The following FHAD1 variants were observed in gnomAD, a reference collection of about 807,000 sequenced individuals.
The protein encoded by FHAD1 is forkhead associated phosphopeptide binding domain 1.
Under a neutral mutation model 191.3 loss-of-function variants are expected in FHAD1, and 146 were observed. The observed-to-expected ratio is 0.76, with a 90% CI of 0.67 to 0.88. The LOEUF (loss-of-function observed/expected upper bound fraction) is 0.88, where lower values mean the gene tolerates loss of function less well. Ranked by LOEUF, FHAD1 falls within the 40% of genes least tolerant of loss-of-function variation. FHAD1 has a pLI of 0.00. For synonymous variants in FHAD1, 616 were observed against 672.3 expected, an observed-to-expected ratio of 0.92 and a Z score of 1.29; for missense variants, 1,635 against 1,785.8, an observed-to-expected ratio of 0.92 and a Z score of 1.52.
intron 33 of FHAD1, chr1:15,393,304 A>C (rs1221827796): frequency 6.6e-6 from 1 of 151,892 alleles, no homozygotes; most frequent in African/African-American, 2.4e-5. Context: ...GGAACTCCTG[A>C]CCTCAGGTCC....
chr1:15,333,029 C>G (rs1296124689), intron 14 of FHAD1, among the ~76,000 whole-genome samples: 1 of 152,062 alleles, frequency 6.6e-6, no homozygotes, highest in African/African-American at 2.4e-5. Context: ...ATTGGGGAAA[C>G]GGTGGTCTGC....
In FHAD1 at chr1:15,276,792, A is replaced by C. The variant is rs1218019627; in HGVS notation, c.300+4263A>C. 1.4e-5 allele frequency among the ~76,000 whole-genome samples: 2 copies of C among 144,954 alleles called. No homozygotes were observed. Among genetic ancestry groups the C allele is most frequent in the Non-Finnish European group, 3.0e-5 (2 of 65,708 alleles). ...CTGGGCAACAGAGTGAGACTCTCTCAAAAAAAAAAAAAGTATAGCCTAGGG... is the reference window on the plus strand; with the variant it reads ...CTGGGCAACAGAGTGAGACTCTCTCCAAAAAAAAAAAAGTATAGCCTAGGG... On this transcript the variant is annotated intron_variant, in intron 3 of 33. Coordinates refer to ENST00000688493, the MANE Select transcript of FHAD1 (RefSeq NM_001391957.1). This position sits in a 1 kb window ranked among gnomAD's most constrained non-coding sequence, Gnocchi z 4.7.
chr1:15,347,058 G>T lies in FHAD1; in HGVS notation c.2346+1535G>T, dbSNP rs148537275. ...ACAAAAAGACCTCTGGGCAAAGCCT[G>T]TGCCATTTGATCTGACCCAGGACAG... is the stretch of plus-strand genomic sequence containing the variant. On this transcript the variant is annotated intron_variant, in intron 18 of 33. Coordinates refer to ENST00000688493, the MANE Select transcript of FHAD1 (RefSeq NM_001391957.1). 1.8e-3 allele frequency among the ~76,000 whole-genome samples: 279 copies of T among 152,328 alleles called. 1 individual carries two copies. Among genetic ancestry groups the T allele is most frequent in the Non-Finnish European group, 3.1e-3 (210 of 68,034 alleles).
rs1660933343 is a variant in FHAD1 at position 15,282,403 on chromosome 1, TA to T, written c.301-6995del. On this transcript the variant is annotated intron_variant, in intron 3 of 33. Coordinates refer to ENST00000688493, the MANE Select transcript of FHAD1 (RefSeq NM_001391957.1). ...TATGGCAAATTTATCATAAATTCCA[TA>T]GAGCCATTGATTCTCACAGAGGGTT... 2.0e-5 allele frequency among the ~76,000 whole-genome samples: 3 copies of T among 152,242 alleles called. No individual in the cohort carries two copies. In the South Asian group the frequency reaches 6.2e-4, roughly 31 times the overall value.
intron 2 of FHAD1, among the ~76,000 whole-genome samples, chr1:15,266,700 A>G (rs748297348): frequency 3.3e-5 from 5 of 152,180 alleles, no homozygotes; most frequent in Non-Finnish European, 7.3e-5. Context: ...AGAATCATAC[A>G]GAATAGTTTC....
At chr1:15,360,208 G>A (rs977894746) in intron 21 of FHAD1, among the ~76,000 whole-genome samples, 5 of 152,206 alleles carry the variant, frequency 3.3e-5, no homozygotes, top group East Asian at 3.9e-4. Flanking sequence ...TGAAACAGAC[G>A]CTGGAACAGA....
rs894088523 is a variant in FHAD1, at chr1:15,272,315, C to T, written c.94-8C>T. The T allele has an allele frequency of 1.4e-5, 22 of 1,546,276 alleles. No homozygotes were observed. Among genetic ancestry groups the T allele is most frequent in the African/African-American group, 1.1e-4 (8 of 72,976 alleles). ...CATGGCTACGACTGTCCTCCTTCTC[C>T]GTTGCAGTCTCCTGACATCGACAAC... On this transcript the variant is annotated splice_region_variant and splice_polypyrimidine_tract_variant and intron_variant, in intron 2 of 33. Coordinates refer to ENST00000688493, the MANE Select transcript of FHAD1 (RefSeq NM_001391957.1).
intron 9 of FHAD1, 100 bp from the exon 10 acceptor site, chr1:15,317,724 T>G: frequency 4.2e-6 from 3 of 722,210 alleles, no homozygotes; most frequent in Non-Finnish European, 7.0e-6. Context: ...TCCACCTTAA[T>G]GGATGGGATG....
intron 16 of FHAD1, 117 bp downstream of exon 16, chr1:15,342,005 T>C (rs1686904536): frequency 2.5e-6 from 2 of 811,156 alleles, no homozygotes; most frequent in Non-Finnish European, 3.6e-6. Context: ...TTTGGTGCCA[T>C]GAAACTAAAT....
In FHAD1 at chr1:15,359,951, AG is replaced by A. The variant is rs766938803; in HGVS notation, c.2737-526del. 2.0e-5 allele frequency among the ~76,000 whole-genome samples: 3 copies of A among 152,042 alleles called. No individual in the cohort carries two copies. The South Asian group carries it at 6.2e-4, about 32-fold the overall frequency. ...GGTGACAGAGAGAGACTCCGTCTCAAGAAAAAAAAAAATTAGCTGAGTGTGT... is the reference window on the plus strand; with the variant it reads ...GGTGACAGAGAGAGACTCCGTCTCAAAAAAAAAAAAATTAGCTGAGTGTGT... On this transcript the variant is annotated intron_variant, in intron 21 of 33. Coordinates refer to ENST00000688493, the MANE Select transcript of FHAD1 (RefSeq NM_001391957.1).
rs920479269 is a variant in FHAD1, at chr1:15,381,117, C to T, written c.3802-114C>T. On this transcript the variant is annotated intron_variant, in intron 29 of 33. Coordinates refer to ENST00000688493, the MANE Select transcript of FHAD1 (RefSeq NM_001391957.1). This position sits in a 1 kb window ranked among gnomAD's most constrained non-coding sequence, Gnocchi z 4.6. ...GTTGCACATCCTTTCAAAGCATGTG[C>T]GTGTTCTCTGCAATTGCAGAAAGTG... The T allele has an allele frequency of 2.1e-5, 15 of 715,490 alleles. No individual in the cohort carries two copies. The highest frequency in any genetic ancestry group is 3.5e-5 in the Non-Finnish European group (15 of 423,912). The allele number at this position is 715,490 out of a possible 1,614,324, so 44.3% of individuals were successfully genotyped here. A position where few individuals can be genotyped will look rare whatever the true frequency, so the allele number is the denominator to read the frequency against.
intron 6 of FHAD1, among the ~76,000 whole-genome samples, chr1:15,302,049 C>A (rs1668966707): frequency 1.3e-5 from 2 of 152,112 alleles, no homozygotes; most frequent in Admixed American, 1.3e-4. Context: ...AAGACAGGCC[C>A]AGAGACACCC....
At chr1:15,277,419 C>T (rs1422314420) in intron 3 of FHAD1, among the ~76,000 whole-genome samples, 1 of 152,206 alleles carries the variant, frequency 6.6e-6, no homozygotes, top group Non-Finnish European at 1.5e-5. Flanking sequence ...AACACATTAA[C>T]CACAGGCTCC....
chr1:15,366,980 C>T (rs1393303227), intron 24 of FHAD1, among the ~76,000 whole-genome samples: 3 of 152,190 alleles, frequency 2.0e-5, no homozygotes, highest in Admixed American at 6.5e-5. Context: ...TTGTCCCCAT[C>T]CCAAACCCTA....
At chr1:15,338,631 C>T (rs1463056250) in intron 14 of FHAD1, among the ~76,000 whole-genome samples, 1 of 152,150 alleles carries the variant, frequency 6.6e-6, no homozygotes, top group Non-Finnish European at 1.5e-5. Context: ...GCCCCGCGCA[C>T]CCCTGTTCTG....
rs1308681806 is a variant in FHAD1 at position 15,301,228 on chromosome 1, A to C, written c.702A>C (p.Gly234=). Reference sequence around the variant, plus strand: ...AGGATGAAATAATTCTGCTGCTGGGAAAAGAGGTCAGCCGTCTCTCAGATT... The same window carrying C: ...AGGATGAAATAATTCTGCTGCTGGGCAAAGAGGTCAGCCGTCTCTCAGATT... The part of the protein sequence containing the change: ...QDKDEIILLL[G]KEVSRLSDYE... Residue 234 remains glycine, a synonymous_variant, in exon 6 of 34, where the codon GGA becomes GGC. Coordinates refer to ENST00000688493, the MANE Select transcript of FHAD1 (RefSeq NM_001391957.1). The C allele has an allele frequency of 6.4e-7, 1 of 1,551,622 alleles. No individual in the cohort carries two copies. The highest frequency in any genetic ancestry group is 1.4e-5 in the African/African-American group (1 of 73,122).
intron 10 of FHAD1, among the ~76,000 whole-genome samples, chr1:15,323,232 GC>G (rs1676972051): frequency 6.6e-6 from 1 of 152,188 alleles, no homozygotes; most frequent in African/African-American, 2.4e-5. Flanking sequence ...GACAGCTGGT[GC>G]CAAAGGCCTG....
chr1:15,297,330 T>C (rs1255883067), intron 5 of FHAD1, among the ~76,000 whole-genome samples: 2 of 152,190 alleles, frequency 1.3e-5, no homozygotes, highest in Non-Finnish European at 2.9e-5. Flanking sequence ...TGGATCCAGG[T>C]TGATTTTGCC....
At chr1:15,295,062 A>G (rs1385530199) in intron 4 of FHAD1, among the ~76,000 whole-genome samples, 2 of 152,180 alleles carry the variant, frequency 1.3e-5, no homozygotes, top group African/African-American at 4.8e-5. Flanking sequence ...CTGGTATCCT[A>G]CTTTTTAAAA....
Sources: gnomAD v4.1 joint callset for allele counts (sites outside exome capture counted in the v4.1 genomes callset) on GRCh38, gnomAD v4.1.1 for gene constraint, Gnocchi (gnomAD v3.1) non-coding constraint, MANE v1.5 for transcripts, NCBI Gene and HGNC (gene_info 2026-07-23, HGNC 2026-07-21) for gene names.